EPC2: variants seen among roughly 807,000 people sequenced by gnomAD.
EPC2 encodes the protein enhancer of polycomb 2.
A neutral mutation model predicts 92.1 loss-of-function variants in EPC2; 14 were observed. That is an observed-to-expected ratio of 0.15 (90% CI 0.10 to 0.24). EPC2 has a LOEUF of 0.24. Ranked by LOEUF, EPC2 falls within the 10% of genes least tolerant of loss-of-function variation. EPC2 has a pLI of 1.00. For missense variants in EPC2, 755 were observed against 971.5 expected (o/e 0.78, Z 2.96); for synonymous variants, 340 against 334.7 (o/e 1.02, Z -0.17).
chr2:148,671,488 C>T (rs1431464108), intron 1 of EPC2, among the ~76,000 whole-genome samples: 2 of 151,922 alleles, frequency 1.3e-5, no homozygotes, highest in Non-Finnish European at 2.9e-5. Context: ...GTGGTGTGCA[C>T]CTGTAATCCC....
Position 148,781,795 on chromosome 2 carries a change from T to C in EPC2, c.1857+15T>C, listed in dbSNP as rs1558839404. On this transcript the variant is annotated intron_variant, in intron 11 of 13. Transcript: ENST00000258484. ...CAAAAGCACAGGTAAACTGCTCTTT[T>C]CGTCATAGTTACGTTTGTTTCTTTC... 4 of 1,613,092 alleles carry C rather than the reference T, an allele frequency of 2.5e-6. No individual in the cohort carries two copies. The highest frequency in any genetic ancestry group is 1.1e-5 in the South Asian group (1 of 90,846).
chr2:148,708,412 GGT>G (rs1682056139), intron 2 of EPC2, among the ~76,000 whole-genome samples: 2 of 152,258 alleles, frequency 1.3e-5, no homozygotes, highest in South Asian at 4.1e-4. Flanking sequence ...TTCTACCAGA[GGT>G]ATGAAGAGGA....
At chr2:148,668,559 C>A (rs1681096847) in intron 1 of EPC2, among the ~76,000 whole-genome samples, 1 of 152,108 alleles carries the variant, frequency 6.6e-6, no homozygotes, top group African/African-American at 2.4e-5. Flanking sequence ...ACCAGTGAAA[C>A]CATCTGTTTC....
At chr2:148,659,083 C>T (rs1018260893) in intron 1 of EPC2, among the ~76,000 whole-genome samples, 2 of 152,036 alleles carry the variant, frequency 1.3e-5, no homozygotes, top group African/African-American at 2.4e-5. Flanking sequence ...TTTCTGACTG[C>T]ATTTTCAGCA....
At chr2:148,704,107 G>A (rs1220936834) in intron 2 of EPC2, among the ~76,000 whole-genome samples, 2 of 152,158 alleles carry the variant, frequency 1.3e-5, no homozygotes, top group Non-Finnish European at 2.9e-5. Context: ...CATGTTCATA[G>A]CAGCATTATT....
chr2:148,688,422 G>A (rs1273776871), intron 1 of EPC2, among the ~76,000 whole-genome samples: 1 of 152,046 alleles, frequency 6.6e-6, no homozygotes, highest in Non-Finnish European at 1.5e-5. Flanking sequence ...TGGGATGGGG[G>A]GAGGGGGGAC....
chr2:148,725,350 A>G (rs1173434702), intron 2 of EPC2, among the ~76,000 whole-genome samples: 2 of 151,620 alleles, frequency 1.3e-5, no homozygotes, highest in East Asian at 3.9e-4. Flanking sequence ...TGTTTTTTTA[A>G]CTCTTTCTCT....
At chr2:148,736,063 G>C (rs1682747886) in intron 2 of EPC2, among the ~76,000 whole-genome samples, 1 of 152,090 alleles carries the variant, frequency 6.6e-6, no homozygotes, top group Non-Finnish European at 1.5e-5. Context: ...AAGCAGGAAT[G>C]ATAAAAAATT....
chr2:148,729,315 AT>A (rs893021978), intron 2 of EPC2, among the ~76,000 whole-genome samples: 3 of 151,908 alleles, frequency 2.0e-5, no homozygotes, highest in Admixed American at 1.3e-4. Flanking sequence ...TCAGAGTAGT[AT>A]TTTTTTTAAT....
chr2:148,731,129 T>C (rs1043115913), intron 2 of EPC2, among the ~76,000 whole-genome samples: 1 of 152,232 alleles, frequency 6.6e-6, no homozygotes, highest in Non-Finnish European at 1.5e-5. Flanking sequence ...GAAGGGATAC[T>C]GTTATACATG....
Position 148,762,661 on chromosome 2 carries a change from CT to C in EPC2, c.816-5del. 1 of 1,566,642 alleles carries C rather than the reference CT, an allele frequency of 6.4e-7. No individual in the cohort carries two copies. Among genetic ancestry groups the C allele is most frequent in the African/African-American group, 1.4e-5 (1 of 73,336 alleles). The stretch of plus-strand genomic sequence containing the variant: ...CAATGTTTTCTTATATTTTTGTTAC[CT>C]TTTCAAGATACCATTTGGGAGACTA... On this transcript the variant is annotated splice_polypyrimidine_tract_variant and splice_region_variant and intron_variant, in intron 5 of 13. Transcript: ENST00000258484.
In EPC2 at chr2:148,671,196, G is replaced by C. The variant is rs1327871642; in HGVS notation, c.154-19018G>C. On this transcript the variant is annotated intron_variant, in intron 1 of 13. Transcript: ENST00000258484. Reference sequence around the variant, plus strand: ...AGTGTGTTTTTATTTATTGGTACTTGCATATCTGGTAGCTTTTGCTTCATA... The same window carrying C: ...AGTGTGTTTTTATTTATTGGTACTTCCATATCTGGTAGCTTTTGCTTCATA... Among the ~76,000 whole-genome samples the C allele has an allele frequency of 3.3e-5, 5 of 151,466 alleles. 1 individual carries two copies. In the East Asian group the frequency reaches 5.8e-4, roughly 18 times the overall value.
chr2:148,674,250 C>T (rs1336709238), intron 1 of EPC2, among the ~76,000 whole-genome samples: 2 of 152,176 alleles, frequency 1.3e-5, no homozygotes, highest in East Asian at 3.9e-4. Context: ...CTCTTGCTCC[C>T]TCTTGTCTCT....
intron 1 of EPC2, among the ~76,000 whole-genome samples, chr2:148,658,267 C>T (rs1373908969): frequency 6.6e-6 from 1 of 152,084 alleles, no homozygotes; most frequent in Admixed American, 6.6e-5. Context: ...ACATGACAGT[C>T]TTCTTGTGCT....
intron 2 of EPC2, among the ~76,000 whole-genome samples, chr2:148,724,661 T>C (rs561243169): frequency 9.3e-4 from 141 of 152,252 alleles, no homozygotes; most frequent in African/African-American, 3.1e-3. Context: ...TATAAAGTCA[T>C]TTTTTATCTA....
chr2:148,680,567 TAGAA>T (rs1681374755), intron 1 of EPC2, among the ~76,000 whole-genome samples: 1 of 152,226 alleles, frequency 6.6e-6, no homozygotes, highest in Admixed American at 6.5e-5. Context: ...AATGTTCACT[TAGAA>T]AGCCTCTGTG....
intron 2 of EPC2, among the ~76,000 whole-genome samples, chr2:148,724,757 G>C (rs193145095): frequency 7.9e-5 from 12 of 152,162 alleles, no homozygotes; most frequent in African/African-American, 2.9e-4. Context: ...TGAATTTTTA[G>C]TCATTGATGA....
intron 3 of EPC2, among the ~76,000 whole-genome samples, chr2:148,750,683 A>G (rs2105413757): frequency 6.6e-6 from 1 of 152,232 alleles, no homozygotes; most frequent in Non-Finnish European, 1.5e-5. Flanking sequence ...AGTGTTATCT[A>G]TTTAGAATCA....
chr2:148,708,887 CAT>C (rs1274936635), intron 2 of EPC2, among the ~76,000 whole-genome samples: 26 of 152,152 alleles, frequency 1.7e-4, no homozygotes, highest in African/African-American at 2.9e-4. Flanking sequence ...CAGCCAGTAT[CAT>C]AGTGAATGGG....
Sources: gnomAD v4.1 joint callset for allele counts (sites outside exome capture counted in the v4.1 genomes callset) on GRCh38, gnomAD v4.1.1 for gene constraint, MANE v1.5 for transcripts, NCBI Gene and HGNC (gene_info 2026-07-23, HGNC 2026-07-21) for gene names.